EFCAB8: variants seen among roughly 807,000 people sequenced by gnomAD.
EFCAB8 encodes EF-hand calcium-binding domain-containing protein 8.
EFCAB8 carries 100 observed loss-of-function variants against 116.3 expected under a neutral mutation model. That is an observed-to-expected ratio of 0.86 (90% CI 0.73 to 1.02). The LOEUF is 1.02. Among genes scored for constraint, EFCAB8 ranks in the 50% least tolerant of loss-of-function variants. The pLI, the probability that EFCAB8 is intolerant of heterozygous loss-of-function variation, is 0.00. For missense variants in EFCAB8, 1,320 were observed against 1,416.9 expected, an observed-to-expected ratio of 0.93 and a Z score of 1.10; for synonymous variants, 558 against 567.9, an observed-to-expected ratio of 0.98 and a Z score of 0.25.
intron 6 of EFCAB8, 144 bp downstream of exon 6, chr20:32,885,784 C>A: frequency 9.6e-7 from 1 of 1,046,090 alleles, no homozygotes; most frequent in Admixed American, 2.8e-5. Context: ...TGGGTCCTGA[C>A]TTGGCTTCAC....
Position 32,961,544 on chromosome 20 carries a change from C to T in EFCAB8, c.3802C>T (p.Pro1268Ser), listed in dbSNP as rs2146310496. 1 of 1,407,476 alleles carries T rather than the reference C, an allele frequency of 7.1e-7. No homozygotes were observed. Among genetic ancestry groups the T allele is most frequent in the Non-Finnish European group, 9.3e-7 (1 of 1,078,700 alleles). 87.2% of individuals were successfully genotyped at this position (1,407,476 alleles called of 1,614,324 possible). Reference protein sequence around the residue: ...PKHIVSSFERPPRPLKATFMS... With the variant: ...PKHIVSSFERSPRPLKATFMS... Reference sequence around the variant, plus strand: ...GCACATTGTCTCCTCCTTCGAGCGGCCCCCAAGGCCTCTGAAGGCCACCTT... The same window carrying T: ...GCACATTGTCTCCTCCTTCGAGCGGTCCCCAAGGCCTCTGAAGGCCACCTT... The change falls in exon 27 of 27, where the codon CCC (proline) becomes TCC (serine). Residue 1268 changes from proline (P) to serine (S), a missense_variant. By Grantham distance (74) the Pro-to-Ser change is moderately conservative. Transcript: ENST00000400522.
At chr20:32,923,510 A>G (rs1207961992) in intron 20 of EFCAB8, among the ~76,000 whole-genome samples, 5 of 152,136 alleles carry the variant, frequency 3.3e-5, no homozygotes, top group Non-Finnish European at 7.4e-5. Flanking sequence ...ACCACCACCT[A>G]TGAAAAAAAA....
At position 32,867,711 on chromosome 20, in the gene EFCAB8, G is replaced by A; in HGVS notation, c.172G>A (p.Glu58Lys). ...LFTEIHLAKI[E>K]KMFEEDINST... Reference sequence around the variant, plus strand: ...TACTGAGATACACCTGGCCAAGATAGAGAAAATGTTTGAGGAGGACATCAA... The same window carrying A: ...TACTGAGATACACCTGGCCAAGATAAAGAAAATGTTTGAGGAGGACATCAA... Residue 58 changes from glutamate (E) to lysine (K), a missense_variant, in exon 3 of 27, where the codon GAG (glutamate) becomes AAG (lysine). Physicochemically the swap from Glu to Lys is moderately conservative, Grantham distance 56. Coordinates refer to ENST00000400522, the MANE Select transcript of EFCAB8 (RefSeq NM_001143967.2). The A allele has an allele frequency of 6.4e-7, 1 of 1,551,676 alleles. No homozygotes were observed. Among genetic ancestry groups the A allele is most frequent in the Non-Finnish European group, 8.7e-7 (1 of 1,147,000 alleles).
At chr20:32,942,584 A>G (rs1988441117) in intron 22 of EFCAB8, among the ~76,000 whole-genome samples, 1 of 152,056 alleles carries the variant, frequency 6.6e-6, no homozygotes. Flanking sequence ...ATGGATTACA[A>G]ATATCCCCCC....
In EFCAB8 at chr20:32,926,294, C is replaced by T. The variant is rs141189570; in HGVS notation, c.2413-4104C>T. Among the ~76,000 whole-genome samples, 1,108 of 152,308 alleles carry T rather than the reference C, an allele frequency of 7.3e-3. 10 individuals are homozygous for T. Among genetic ancestry groups the T allele is most frequent in the Admixed American group, 0.012 (190 of 15,294 alleles). On this transcript the variant is annotated intron_variant, in intron 20 of 26. Coordinates refer to ENST00000400522, the MANE Select transcript of EFCAB8 (RefSeq NM_001143967.2). Reference sequence around the variant, plus strand: ...CTTAATCATTGGAATGTGCTTATGACAAAATTTAAAGCACATCCTTTAAAA... The same window carrying T: ...CTTAATCATTGGAATGTGCTTATGATAAAATTTAAAGCACATCCTTTAAAA...
intron 5 of EFCAB8, among the ~76,000 whole-genome samples, chr20:32,880,069 C>A (rs1985243983): frequency 6.6e-6 from 1 of 152,102 alleles, no homozygotes; most frequent in South Asian, 2.1e-4. Context: ...GGTGGCCAGG[C>A]AGGGAGCTGG....
At chr20:32,898,954 C>G (rs1042910325) in intron 11 of EFCAB8, among the ~76,000 whole-genome samples, 1 of 152,222 alleles carries the variant, frequency 6.6e-6, no homozygotes, top group Non-Finnish European at 1.5e-5. Context: ...ACCTCACTTC[C>G]TGAAGGGTTG....
chr20:32,912,882 A>G lies in EFCAB8; in HGVS notation c.1856+18A>G, dbSNP rs1600417158. ...CATTTCCTGTGAGTAGAAAGCATGT[A>G]TGGTGAGTAGGTTCCAGTAGCTGCG... is the stretch of plus-strand genomic sequence containing the variant. On this transcript the variant is annotated intron_variant, in intron 17 of 26. Transcript: ENST00000400522. The G allele has an allele frequency of 2.8e-6, 2 of 717,984 alleles. No individual in the cohort carries two copies. The highest frequency in any genetic ancestry group is 2.6e-6 in the Non-Finnish European group (1 of 384,834). The allele number at this position is 717,984 out of a possible 1,614,324, so 44.5% of individuals were successfully genotyped here. A position where few individuals can be genotyped will look rare whatever the true frequency, so the allele number is the denominator to read the frequency against.
At chr20:32,893,053 C>T in intron 8 of EFCAB8, 121 bp from the exon 9 acceptor site, 1 of 1,208,098 alleles carries the variant, frequency 8.3e-7, no homozygotes, top group Non-Finnish European at 1.2e-6. Context: ...GTTGGCCAGG[C>T]TGGTCTCGAA....
At chr20:32,926,213 G>A (rs573534900) in intron 20 of EFCAB8, among the ~76,000 whole-genome samples, 5 of 152,324 alleles carry the variant, frequency 3.3e-5, no homozygotes, top group South Asian at 4.1e-4. Context: ...GAACTTTGTG[G>A]TGCATCACTT....
intron 23 of EFCAB8, among the ~76,000 whole-genome samples, chr20:32,945,711 T>G (rs1259672032): frequency 6.6e-6 from 1 of 152,212 alleles, no homozygotes; most frequent in African/African-American, 2.4e-5. Context: ...CAGCCACCTC[T>G]CCCAGTCTTT....
At chr20:32,916,924 A>C (rs1454234825) in intron 17 of EFCAB8, 1 of 187,214 alleles carries the variant, frequency 5.3e-6, no homozygotes, top group Non-Finnish European at 1.1e-5. Context: ...TGAAGTCTTT[A>C]GGGTAGGATG....
intron 6 of EFCAB8, 32 bp from the exon 7 acceptor site, chr20:32,889,269 C>T (rs1405251888): frequency 3.9e-6 from 6 of 1,545,752 alleles, no homozygotes; most frequent in South Asian, 1.2e-5. Flanking sequence ...GTATGCGTCC[C>T]AGCCCATCTC....
At chr20:32,956,143 C>T (rs1988958042) in intron 23 of EFCAB8, among the ~76,000 whole-genome samples, 1 of 151,694 alleles carries the variant, frequency 6.6e-6, no homozygotes, top group Admixed American at 6.6e-5. Flanking sequence ...TTGTATTATT[C>T]TTTTAGTGAT....
chr20:32,889,033 G>A (rs925680551), intron 6 of EFCAB8, among the ~76,000 whole-genome samples: 3 of 152,068 alleles, frequency 2.0e-5, no homozygotes, highest in Admixed American at 6.6e-5. Flanking sequence ...GGCTCACTGC[G>A]GCAAGACTTT....
At chr20:32,945,457 C>G (rs941473409) in intron 23 of EFCAB8, among the ~76,000 whole-genome samples, 1 of 152,148 alleles carries the variant, frequency 6.6e-6, no homozygotes, top group Non-Finnish European at 1.5e-5. Flanking sequence ...TGGCTGGCCT[C>G]TGTTTGGTTC....
At chr20:32,898,329 G>A in intron 10 of EFCAB8, 164 bp from the exon 11 acceptor site, 1 of 572,300 alleles carries the variant, frequency 1.7e-6, no homozygotes, top group South Asian at 2.3e-5. Flanking sequence ...ATAGGACCTG[G>A]GCTAGGATTG....
chr20:32,890,926 A>G (rs145441030), intron 7 of EFCAB8, among the ~76,000 whole-genome samples: 35 of 152,340 alleles, frequency 2.3e-4, no homozygotes, highest in African/African-American at 8.4e-4. Flanking sequence ...CAACACTGAC[A>G]TCATTATGAG....
At chr20:32,930,253 G>A in intron 20 of EFCAB8, 145 bp from the exon 21 acceptor site, 1 of 652,546 alleles carries the variant, frequency 1.5e-6, no homozygotes, top group Non-Finnish European at 2.6e-6. Context: ...CAGCTGGGGA[G>A]GAAGGGTGGG....
Sources: gnomAD v4.1 joint callset for allele counts (sites outside exome capture counted in the v4.1 genomes callset) on GRCh38, gnomAD v4.1.1 for gene constraint, MANE v1.5 for transcripts, NCBI Gene and HGNC (gene_info 2026-07-23, HGNC 2026-07-21) for gene names.